SPATA9: variants seen among roughly 807,000 people sequenced by gnomAD.
SPATA9 encodes the protein spermatogenesis associated 9.
In SPATA9, 27 loss-of-function variants were observed where a neutral mutation model predicts 25.5. The ratio of observed to expected loss-of-function variants is 1.06; its 90% CI spans 0.78 to 1.46. SPATA9 has a LOEUF of 1.46. Ranked by LOEUF, SPATA9 falls within the 40% of genes most tolerant of loss-of-function variation. SPATA9 has a pLI of 0.00. For missense variants in SPATA9, 282 were observed against 297.5 expected, an observed-to-expected ratio of 0.95 and a Z score of 0.38; for synonymous variants, 102 against 105.7, an observed-to-expected ratio of 0.97 and a Z score of 0.21.
chr5:95,653,523 G>C (rs145781342), downstream of SPATA9, among the ~76,000 whole-genome samples: 5 of 152,324 alleles, frequency 3.3e-5, no homozygotes, highest in East Asian at 9.6e-4. Flanking sequence ...TACAACTCTA[G>C]CCTCAGATTG....
At chr5:95,702,346 A>C (rs769480903), upstream of SPATA9, among the ~76,000 whole-genome samples, 18 of 152,344 alleles carry the variant, frequency 1.2e-4, no homozygotes, top group South Asian at 2.1e-4. Flanking sequence ...GGAAATATCC[A>C]TCAAGGGATA....
At chr5:95,700,018 C>T (rs1754137465), upstream of SPATA9, among the ~76,000 whole-genome samples, 1 of 152,016 alleles carries the variant, frequency 6.6e-6, no homozygotes, top group African/African-American at 2.4e-5. Flanking sequence ...CCCCTGAAAC[C>T]ATGGATATTA....
upstream of SPATA9, chr5:95,698,825 T>C (rs1754105678): frequency 1.3e-5 from 2 of 152,352 alleles, no homozygotes; most frequent in Middle Eastern, 3.4e-3. Flanking sequence ...TACTACTTAT[T>C]ACCTGAGAGC....
chr5:95,654,231 G>A (rs1404113739), downstream of SPATA9: 1 of 1,611,730 alleles, frequency 6.2e-7, no homozygotes, highest in Non-Finnish European at 8.5e-7. Context: ...GATATTCGCT[G>A]TTACCGTAAG....
chr5:95,654,007 T>G, downstream of SPATA9: 2 of 1,510,734 alleles, frequency 1.3e-6, no homozygotes, highest in Non-Finnish European at 1.8e-6. Context: ...TCCATTAAGC[T>G]GGAACCAAAT....
At chr5:95,687,774 A>G (rs1753784437), upstream of SPATA9, among the ~76,000 whole-genome samples, 2 of 152,200 alleles carry the variant, frequency 1.3e-5, no homozygotes, top group Non-Finnish European at 2.9e-5. Flanking sequence ...GATGGTAGGA[A>G]GCAAAAATGG....
the SPATA9 span, among the ~76,000 whole-genome samples, chr5:95,709,698 C>T: frequency 0.011 from 1,654 of 152,290 alleles, 33 homozygotes; most frequent in African/African-American, 0.038. Flanking sequence ...ATGCTTCAGT[C>T]CATCCAGAGA....
At chr5:95,679,961 G>A (rs1753289909) in intron 2 of SPATA9, among the ~76,000 whole-genome samples, 1 of 152,334 alleles carries the variant, frequency 6.6e-6, no homozygotes, top group Non-Finnish European at 1.5e-5. Flanking sequence ...GCAGTGGCGC[G>A]ATCTCGGCTC....
the SPATA9 span, among the ~76,000 whole-genome samples, chr5:95,721,852 T>C: frequency 6.6e-6 from 1 of 152,158 alleles, no homozygotes; most frequent in African/African-American, 2.4e-5. Context: ...TCTATTAGAA[T>C]GCCAAAAGGA....
chr5:95,653,277 T>G (rs1750473718), intron 8 of SPATA9: 1 of 1,545,994 alleles, frequency 6.5e-7, no homozygotes, highest in Non-Finnish European at 8.7e-7. Context: ...TATCTGGTTG[T>G]GCCTGTAAGA....
chr5:95,731,220 C>T, the SPATA9 span: 1 of 1,004,102 alleles, frequency 1.0e-6, no homozygotes, highest in East Asian at 1.1e-4. Flanking sequence ...GCGTCCCCCG[C>T]ATCCGCCCGA....
the SPATA9 span, among the ~76,000 whole-genome samples, chr5:95,709,146 A>C: frequency 1.3e-5 from 2 of 152,224 alleles, no homozygotes; most frequent in South Asian, 4.1e-4. Context: ...TTTAATAAAC[A>C]CTAGGTCTCC....
Position 95,675,643 on chromosome 5 carries a change from A to G in SPATA9, c.151-4T>C. Reference sequence around the variant, plus strand: ...TTTTCTGCGCAGGTTCTCTTTTCTGAAAAATAGGCCTTTGAAAAGTAACTG... The same window carrying G: ...TTTTCTGCGCAGGTTCTCTTTTCTGGAAAATAGGCCTTTGAAAAGTAACTG... On this transcript the variant is annotated splice_polypyrimidine_tract_variant and splice_region_variant and intron_variant, in intron 2 of 4. Transcript: ENST00000274432. The G allele has an allele frequency of 5.0e-6, 8 of 1,613,408 alleles. No homozygotes were observed. The highest frequency in any genetic ancestry group is 5.9e-6 in the Non-Finnish European group (7 of 1,179,620).
chr5:95,655,097 C>A (rs1195012796), downstream of SPATA9, among the ~76,000 whole-genome samples: 2 of 152,132 alleles, frequency 1.3e-5, no homozygotes, highest in African/African-American at 2.4e-5. Flanking sequence ...ACTTAGCATT[C>A]CACTCTCTCT....
chr5:95,677,315 G>A (rs889762345), intron 2 of SPATA9, among the ~76,000 whole-genome samples: 9 of 152,012 alleles, frequency 5.9e-5, no homozygotes, highest in African/African-American at 1.7e-4. Flanking sequence ...CATGTAATAC[G>A]CACTCTATCT....
chr5:95,655,900 G>A (rs2112525420), downstream of SPATA9: 2 of 685,816 alleles, frequency 2.9e-6, no homozygotes, highest in African/African-American at 3.6e-5. Context: ...ATTAGGATCT[G>A]CTTTATGCTG....
chr5:95,662,188 T>A (rs1365197231), intron 4 of SPATA9, among the ~76,000 whole-genome samples: 3 of 152,076 alleles, frequency 2.0e-5, no homozygotes, highest in Non-Finnish European at 4.4e-5. Context: ...GGGCTTTTTT[T>A]AAAGAAAAAA....
the SPATA9 span, among the ~76,000 whole-genome samples, chr5:95,725,928 T>C: frequency 6.6e-6 from 1 of 152,208 alleles, no homozygotes; most frequent in African/African-American, 2.4e-5. Flanking sequence ...TACAGTATTG[T>C]CAAAAGATGT....
At chr5:95,700,606 T>A (rs1290661079), upstream of SPATA9, among the ~76,000 whole-genome samples, 1 of 152,182 alleles carries the variant, frequency 6.6e-6, no homozygotes, top group Non-Finnish European at 1.5e-5. Context: ...CCAAAAATTT[T>A]TTTTAGAGAT....
Sources: allele counts gnomAD v4.1 joint callset (sites outside exome capture counted in the v4.1 genomes callset), GRCh38; gene constraint gnomAD v4.1.1; transcripts MANE v1.5; gene names NCBI Gene and HGNC (gene_info 2026-07-23, HGNC 2026-07-21).